SNX1: variants seen among roughly 807,000 people sequenced by gnomAD.
SNX1 encodes the protein sorting nexin-1.
Under a neutral mutation model 71.8 loss-of-function variants are expected in SNX1, and 36 were observed. The ratio of observed to expected loss-of-function variants is 0.50; its 90% CI spans 0.38 to 0.66. The LOEUF is 0.66. Ranked by LOEUF, SNX1 falls within the 30% of genes least tolerant of loss-of-function variation. The pLI, the probability that SNX1 is intolerant of heterozygous loss-of-function variation, is 0.00. For synonymous variants in SNX1, 254 were observed against 240.7 expected (o/e 1.06, Z -0.51); for missense variants, 612 against 646.7 (o/e 0.95, Z 0.58).
Position 64,130,286 on chromosome 15 carries a change from A to C in SNX1, c.980A>C (p.His327Pro), listed in dbSNP as rs770264981. The C allele has an allele frequency of 1.9e-6, 3 of 1,614,150 alleles. No individual in the cohort carries two copies. The highest frequency in any genetic ancestry group is 3.3e-5 in the Admixed American group (2 of 60,022). The part of the protein sequence containing the change: ...ECEEQRLRKL[H>P]AVVETLVNHR... ...GAGGAGCAGCGCTTACGGAAACTGCATGCTGTTGTAGAAACTCTAGTCAAC... is the reference window on the plus strand; with the variant it reads ...GAGGAGCAGCGCTTACGGAAACTGCCTGCTGTTGTAGAAACTCTAGTCAAC... Residue 327 changes from histidine (H) to proline (P), a missense_variant, in exon 10 of 15, where the codon CAT becomes CCT. Coordinates refer to ENST00000559844, the MANE Select transcript of SNX1 (RefSeq NM_003099.5).
rs775265762 is a variant in SNX1, at chr15:64,118,826, A to G, written c.438A>G (p.Thr146=). Residue 146 remains threonine (T), a synonymous_variant, in exon 4 of 15, where the codon ACA becomes ACG. Transcript: ENST00000559844. ...AACAGGAGGATCAATTTGATTTGAC[A>G]GTCGGTATAACTGATCCTGAGAAGA... ...EEEQEDQFDL[T]VGITDPEKIG... 5 of 1,613,650 alleles carry G rather than the reference A, an allele frequency of 3.1e-6. No individual in the cohort carries two copies. In the East Asian group the frequency reaches 1.1e-4, roughly 36 times the overall value.
At position 64,138,119 on chromosome 15, in the gene SNX1, C is replaced by T. The variant is rs1040193073; in HGVS notation, c.*501C>T. 1.7e-5 allele frequency: 26 copies of T among 1,535,590 alleles called. No individual in the cohort carries two copies. The highest frequency in any genetic ancestry group is 1.7e-5 in the Non-Finnish European group (20 of 1,146,862). On this transcript the variant is annotated 3_prime_UTR_variant, in exon 15 of 15. Coordinates refer to ENST00000559844, the MANE Select transcript of SNX1 (RefSeq NM_003099.5). ...CCAGGTATAGTAAGTTTTTCTCTAC[C>T]GTTCACAAGTTTTGTGCTGCTGCTT...
Position 64,136,311 on chromosome 15 carries a change from C to T in SNX1, c.1366-19C>T. On this transcript the variant is annotated intron_variant, in intron 12 of 14. Transcript: ENST00000559844. The stretch of plus-strand genomic sequence containing the variant: ...GTGCCATAATATGAGGTGATCCTTT[C>T]TTTCCTCTTTCTTCCCAGTGGGAGT... 2.5e-6 allele frequency: 4 copies of T among 1,602,204 alleles called. No homozygotes were observed. The highest frequency in any genetic ancestry group is 3.4e-6 in the Non-Finnish European group (4 of 1,169,200).
chr15:64,115,389 C>T (rs1191462027), intron 2 of SNX1, among the ~76,000 whole-genome samples: 1 of 152,024 alleles, frequency 6.6e-6, no homozygotes, highest in Non-Finnish European at 1.5e-5. Context: ...GAAACTTAAA[C>T]GTTCTGATAT....
chr15:64,124,626 T>C (rs1225467482), intron 5 of SNX1, among the ~76,000 whole-genome samples: 1 of 152,194 alleles, frequency 6.6e-6, no homozygotes, highest in East Asian at 1.9e-4. Context: ...ACAAAATATT[T>C]ATGTTTTCCT....
In SNX1 at chr15:64,126,245, C is replaced by G. The variant is rs751604367; in HGVS notation, c.652+25C>G. 1.4e-5 allele frequency: 22 copies of G among 1,605,426 alleles called. No homozygotes were observed. In the African/African-American group the frequency reaches 3.0e-4, roughly 22 times the overall value. ...GGTAAGCCTGTGGTCTTTCATTCCA[C>G]TTGGATTGTTTTCCTTTGCATTCTC... On this transcript the variant is annotated intron_variant, in intron 6 of 14. Transcript: ENST00000559844.
chr15:64,125,983 C>T, intron 5 of SNX1, 96 bp from the exon 6 acceptor site: 1 of 1,319,780 alleles, frequency 7.6e-7, no homozygotes, highest in Non-Finnish European at 1.1e-6. Flanking sequence ...GGGCAGGGAT[C>T]TGGGAAATGG....
Position 64,131,329 on chromosome 15 carries a change from C to G in SNX1, c.1016-358C>G, listed in dbSNP as rs550484171. ...CATGTATTCACTCTTCTCTCTTGTA[C>G]AGAGAGGCTACCACTCATGAGCTTC... On this transcript the variant is annotated intron_variant, in intron 10 of 14. Transcript: ENST00000559844. 2.0e-5 allele frequency among the ~76,000 whole-genome samples: 3 copies of G among 152,278 alleles called. No homozygotes were observed. In the East Asian group the frequency reaches 5.8e-4, roughly 29 times the overall value.
Position 64,134,738 on chromosome 15 carries a change from G to A in SNX1, c.1296G>A (p.Glu432=). 2 of 1,614,046 alleles carry A rather than the reference G, an allele frequency of 1.2e-6. No individual in the cohort carries two copies. Among genetic ancestry groups the A allele is most frequent in the East Asian group, 2.2e-5 (1 of 44,890 alleles). ...DAQATLQKKR[E]AEARLLWANK... is the part of the protein sequence containing the mutation. Reference sequence around the variant, plus strand: ...AAGCCACACTGCAGAAGAAGCGGGAGGCCGAGGCTCGGCTGCTGTGGGCCA... The same window carrying A: ...AAGCCACACTGCAGAAGAAGCGGGAAGCCGAGGCTCGGCTGCTGTGGGCCA... The change falls in exon 12 of 15, where the codon GAG becomes GAA. Residue 432 remains glutamate, a synonymous_variant. Coordinates refer to ENST00000559844, the MANE Select transcript of SNX1 (RefSeq NM_003099.5). The surrounding 1 kb of genome is among the most constrained non-coding windows in gnomAD (Gnocchi z 4.1).
At chr15:64,115,631 A>G (rs957374553) in intron 2 of SNX1, 8 of 355,534 alleles carry the variant, frequency 2.3e-5, no homozygotes, top group African/African-American at 1.2e-4. Flanking sequence ...TGGTGTGGTC[A>G]TGGCTCACTG....
At position 64,127,747 on chromosome 15, in the gene SNX1, GT is replaced by G. The variant is rs1567329125; in HGVS notation, c.749del (p.Val250GlufsTer30). On this transcript the variant is annotated frameshift_variant, in exon 8 of 15. Transcript: ENST00000559844. LOFTEE classifies it high-confidence loss of function. The stretch of plus-strand genomic sequence containing the variant: ...ACCTTTTAGGTACCTTCAGAGGATT[GT>G]AAATCATCCTACCATGTTACAGGAC... ...AALERYLQRIVNHPTMLQDPD... is the reference protein window; with the variant it reads ...AALERYLQRIXNHPTMLQDPD... 3 of 1,613,864 alleles carry G rather than the reference GT, an allele frequency of 1.9e-6. No homozygotes were observed. Among genetic ancestry groups the G allele is most frequent in the Non-Finnish European group, 2.5e-6 (3 of 1,179,756 alleles).
At chr15:64,102,021 T>G (rs545916542) in intron 1 of SNX1, among the ~76,000 whole-genome samples, 12 of 152,328 alleles carry the variant, frequency 7.9e-5, no homozygotes, top group African/African-American at 2.9e-4. Flanking sequence ...CATGTACAAT[T>G]GTCAACTAAA....
intron 2 of SNX1, chr15:64,115,563 C>CTTT (rs5813279): frequency 1.4e-4 from 46 of 325,184 alleles, no homozygotes; most frequent in Middle Eastern, 1.0e-3. Context: ...CTTCAAAAGG[C>CTTT]TTTTTTTTTT....
At chr15:64,112,778 G>A in intron 2 of SNX1, 94 bp downstream of exon 2, 1 of 706,030 alleles carries the variant, frequency 1.4e-6, no homozygotes, top group Non-Finnish European at 2.4e-6. Context: ...AAAAAGTATT[G>A]GGAACATAAC....
intron 4 of SNX1, among the ~76,000 whole-genome samples, chr15:64,121,681 T>G (rs1374046224): frequency 6.6e-6 from 1 of 152,228 alleles, no homozygotes; most frequent in Non-Finnish European, 1.5e-5. Flanking sequence ...AGAGAGTAAT[T>G]TAAACAGCCC....
Position 64,143,622 on chromosome 15 carries a change from C to G in SNX1, c.*6004C>G, listed in dbSNP as rs1262398456. The G allele has an allele frequency of 6.6e-6, 1 of 152,268 alleles. No homozygotes were observed. The highest frequency in any genetic ancestry group is 2.4e-5 in the African/African-American group (1 of 41,460). The allele number at this position is 152,268 out of a possible 1,614,324, so 9.4% of individuals were successfully genotyped here. On this transcript the variant is annotated 3_prime_UTR_variant, in exon 15 of 15. Transcript: ENST00000559844. ...TGTGCTACTTCTCACTTCTGTGTGGCCCGAGGAGGCTGGGTTAATGCTGGG... is the reference window on the plus strand; with the variant it reads ...TGTGCTACTTCTCACTTCTGTGTGGGCCGAGGAGGCTGGGTTAATGCTGGG...
In SNX1 at chr15:64,138,328, T is replaced by A; in HGVS notation, c.*710T>A. ...GAGGCAGAGACTTTCTCTCTCTCTT[T>A]TTTTTTTTTTTTTGGTGTCCCTATC... is the stretch of plus-strand genomic sequence containing the variant. On this transcript the variant is annotated 3_prime_UTR_variant, in exon 15 of 15. Coordinates refer to ENST00000559844, the MANE Select transcript of SNX1 (RefSeq NM_003099.5). 1.8e-6 allele frequency: 1 copy of A among 546,306 alleles called. No individual in the cohort carries two copies. The highest frequency in any genetic ancestry group is 2.7e-6 in the Non-Finnish European group (1 of 368,074). 33.8% of individuals were successfully genotyped at this position (546,306 alleles called of 1,614,324 possible).
At chr15:64,135,892 G>A (rs1416774212) in intron 12 of SNX1, among the ~76,000 whole-genome samples, 2 of 151,530 alleles carry the variant, frequency 1.3e-5, no homozygotes, top group African/African-American at 2.4e-5. Context: ...ACTGTACTCC[G>A]GCCTGGATGA....
intron 5 of SNX1, 93 bp from the exon 6 acceptor site, chr15:64,125,986 G>A (rs1373252627): frequency 6.7e-6 from 9 of 1,350,308 alleles, no homozygotes; most frequent in Admixed American, 3.7e-5. Context: ...CAGGGATCTG[G>A]GAAATGGGTT....
Sources: gnomAD v4.1 joint callset for allele counts (sites outside exome capture counted in the v4.1 genomes callset) on GRCh38, gnomAD v4.1.1 for gene constraint, Gnocchi (gnomAD v3.1) non-coding constraint, MANE v1.5 for transcripts, NCBI Gene and HGNC (gene_info 2026-07-23, HGNC 2026-07-21) for gene names.